The following AUTS2 variants were observed in gnomAD, a reference collection of about 807,000 sequenced individuals.
The protein encoded by AUTS2 is activator of transcription and developmental regulator AUTS2.
Under a neutral mutation model 112.4 loss-of-function variants are expected in AUTS2, and 17 were observed. The ratio of observed to expected loss-of-function variants is 0.15; its 90% confidence interval spans 0.10 to 0.23. AUTS2 has a LOEUF of 0.23. Among genes scored for constraint, AUTS2 ranks in the 10% least tolerant of loss-of-function variants. The probability of loss-of-function intolerance (pLI) is 1.00; values close to 1 mark genes in which losing one functional copy is unlikely to be tolerated. For missense variants in AUTS2, 1,510 were observed against 1,701.6 expected (o/e 0.89, Z 1.98); for synonymous variants, 751 against 702.7 (o/e 1.07, Z -1.09).
chr7:70,024,253 G>A (rs572528305), intron 2 of AUTS2, among the ~76,000 whole-genome samples: 43 of 152,316 alleles, frequency 2.8e-4, no homozygotes, highest in African/African-American at 1.0e-3. Flanking sequence ...ATGTCCTAAT[G>A]CAATTTTGAT....
At chr7:70,170,086 T>A (rs774743280) in intron 4 of AUTS2, among the ~76,000 whole-genome samples, 16 of 150,764 alleles carry the variant, frequency 1.1e-4, no homozygotes, top group East Asian at 1.9e-4. Context: ...GGTTTTTTTT[T>A]ATTAAAAAAA....
At chr7:70,626,695 C>G (rs572730227) in intron 5 of AUTS2, among the ~76,000 whole-genome samples, 32 of 152,106 alleles carry the variant, frequency 2.1e-4, no homozygotes, top group Non-Finnish European at 4.0e-4. Context: ...ACCCCAATGT[C>G]TATTGTTGCC....
At chr7:69,950,369 A>G (rs556353358) in intron 2 of AUTS2, among the ~76,000 whole-genome samples, 25 of 152,278 alleles carry the variant, frequency 1.6e-4, no homozygotes, top group African/African-American at 6.0e-4. Context: ...AGGTAAATGA[A>G]TCAAATCCTG....
At chr7:69,878,388 C>A (rs1456311125) in intron 1 of AUTS2, among the ~76,000 whole-genome samples, 3 of 152,166 alleles carry the variant, frequency 2.0e-5, no homozygotes, top group Non-Finnish European at 2.9e-5. Flanking sequence ...TATTTACCCC[C>A]ACACCTTTTC....
chr7:70,397,710 G>A (rs1220251272), intron 4 of AUTS2, among the ~76,000 whole-genome samples: 1 of 151,632 alleles, frequency 6.6e-6, no homozygotes, highest in Non-Finnish European at 1.5e-5. Flanking sequence ...CTAGTTTGTG[G>A]GTTCTTTTCA....
chr7:70,600,421 G>A (rs999144130), intron 5 of AUTS2, among the ~76,000 whole-genome samples: 13 of 151,840 alleles, frequency 8.6e-5, no homozygotes, highest in African/African-American at 1.9e-4. Flanking sequence ...GACTACAGGC[G>A]CCCGCCACCA....
At chr7:69,710,048 T>A (rs1404669875) in intron 1 of AUTS2, among the ~76,000 whole-genome samples, 1 of 152,222 alleles carries the variant, frequency 6.6e-6, no homozygotes, top group Non-Finnish European at 1.5e-5. Flanking sequence ...TGGGAGACTC[T>A]TTTTTGATGG....
intron 6 of AUTS2, among the ~76,000 whole-genome samples, chr7:70,745,444 T>C (rs1024605871): frequency 5.9e-5 from 9 of 152,258 alleles, no homozygotes; most frequent in Non-Finnish European, 8.8e-5. Flanking sequence ...GCCAGTGTTC[T>C]GTTGAAAATT....
chr7:70,025,450 CT>C (rs970909285), intron 2 of AUTS2, among the ~76,000 whole-genome samples: 1,796 of 134,422 alleles, frequency 0.013, 22 homozygotes, highest in African/African-American at 0.034. Flanking sequence ...TTTTTGTTTC[CT>C]TTTTTTTTTT....
chr7:70,416,853 A>G (rs962979791), intron 4 of AUTS2, among the ~76,000 whole-genome samples: 1 of 151,926 alleles, frequency 6.6e-6, no homozygotes, highest in African/African-American at 2.4e-5. Context: ...TGACACACAC[A>G]CTCTGAGCCT....
At chr7:69,801,670 CATTT>C (rs931339080) in intron 1 of AUTS2, among the ~76,000 whole-genome samples, 7 of 152,018 alleles carry the variant, frequency 4.6e-5, no homozygotes, top group African/African-American at 1.7e-4. Context: ...TGCATTTGTT[CATTT>C]ATTCATTCAT....
chr7:69,794,644 G>A (rs1789758625), intron 1 of AUTS2, among the ~76,000 whole-genome samples: 1 of 151,760 alleles, frequency 6.6e-6, no homozygotes, highest in Non-Finnish European at 1.5e-5. Context: ...TGTCTACTTG[G>A]TACCTGTATT....
chr7:70,712,340 G>C (rs147572175), intron 6 of AUTS2, among the ~76,000 whole-genome samples: 2 of 150,102 alleles, frequency 1.3e-5, no homozygotes, highest in Non-Finnish European at 3.0e-5. Flanking sequence ...GAGCCACCAC[G>C]CCCAGTGTCC....
At chr7:70,646,666 C>T (rs118161200) in intron 5 of AUTS2, among the ~76,000 whole-genome samples, 1 of 152,376 alleles carries the variant, frequency 6.6e-6, no homozygotes, top group East Asian at 1.9e-4. Context: ...GAATCATTGC[C>T]ATTTGTGCGG....
At chr7:69,740,368 G>A (rs982862823) in intron 1 of AUTS2, among the ~76,000 whole-genome samples, 1 of 152,276 alleles carries the variant, frequency 6.6e-6, no homozygotes, top group East Asian at 1.9e-4. Context: ...TAGGTGGGGG[G>A]AGGAGAAGCC....
intron 1 of AUTS2, among the ~76,000 whole-genome samples, chr7:69,651,258 C>T (rs546549906): frequency 7.2e-4 from 109 of 152,282 alleles, no homozygotes; most frequent in African/African-American, 2.5e-3. Context: ...ATAGCTGCTA[C>T]CCTCTGATAA....
At chr7:69,647,272 C>G (rs1377929551) in intron 1 of AUTS2, among the ~76,000 whole-genome samples, 1 of 151,892 alleles carries the variant, frequency 6.6e-6, no homozygotes, top group Non-Finnish European at 1.5e-5. Flanking sequence ...ATTCAGAGGT[C>G]TTTTCCTATG....
intron 4 of AUTS2, among the ~76,000 whole-genome samples, chr7:70,205,649 A>T (rs534172247): frequency 6.6e-6 from 1 of 152,334 alleles, no homozygotes; most frequent in Admixed American, 6.5e-5. Flanking sequence ...CAGACTGTAC[A>T]ATCTAGGTTT....
At chr7:70,722,083 C>A (rs1337802998) in intron 6 of AUTS2, among the ~76,000 whole-genome samples, 1 of 151,866 alleles carries the variant, frequency 6.6e-6, no homozygotes, top group Non-Finnish European at 1.5e-5. Flanking sequence ...GAAGACCACA[C>A]CTTTTTGGTT....
Sources: gnomAD v4.1 joint callset for allele counts (sites outside exome capture counted in the v4.1 genomes callset) on GRCh38, gnomAD v4.1.1 for gene constraint, MANE v1.5 for transcripts, NCBI Gene and HGNC (gene_info 2026-07-23, HGNC 2026-07-21) for gene names.